The following RAB7A variants were observed in gnomAD, a reference collection of about 807,000 sequenced individuals.
RAB7A encodes ras-related protein Rab-7a.
In RAB7A, 2 loss-of-function variants were observed where a neutral mutation model predicts 24.5. The ratio of observed to expected loss-of-function variants is 0.08; its 90% confidence interval spans 0.03 to 0.26. The LOEUF is 0.26. RAB7A is among the 10% of genes least tolerant of loss of function. The pLI, the probability that RAB7A is intolerant of heterozygous loss-of-function variation, is 1.00. For missense variants in RAB7A, 118 were observed against 255.7 expected, an observed-to-expected ratio of 0.46 and a Z score of 3.67; for synonymous variants, 100 against 95.9, an observed-to-expected ratio of 1.04 and a Z score of -0.25.
chr3:128,800,111 A>G (rs1323029479), intron 3 of RAB7A, among the ~76,000 whole-genome samples: 1 of 152,262 alleles, frequency 6.6e-6, no homozygotes, highest in African/African-American at 2.4e-5. Flanking sequence ...AGTAAGCCGT[A>G]AGAGCTGAGC....
intron 2 of RAB7A, 36 bp downstream of exon 2, chr3:128,795,456 T>C: frequency 1.3e-6 from 2 of 1,581,526 alleles, no homozygotes; most frequent in Non-Finnish European, 1.7e-6. Flanking sequence ...ACAGATTGGC[T>C]TAGAGCTAAG....
intron 1 of RAB7A, among the ~76,000 whole-genome samples, chr3:128,774,642 T>C (rs1328438169): frequency 6.6e-6 from 1 of 152,162 alleles, no homozygotes; most frequent in Non-Finnish European, 1.5e-5. Flanking sequence ...GGCACGGTCT[T>C]GGCTCACTGC....
intron 1 of RAB7A, among the ~76,000 whole-genome samples, chr3:128,729,135 T>G (rs1482754546): frequency 6.6e-6 from 1 of 150,976 alleles, no homozygotes; most frequent in Non-Finnish European, 1.5e-5. Context: ...TTTTTTAAAA[T>G]TTTTTTTTAG....
intron 3 of RAB7A, among the ~76,000 whole-genome samples, chr3:128,805,172 G>A (rs1383993605): frequency 2.6e-5 from 4 of 152,210 alleles, no homozygotes; most frequent in Admixed American, 2.0e-4. Context: ...TCCACTGACA[G>A]AGATGCATAC....
chr3:128,730,142 C>T (rs2070419958), intron 1 of RAB7A, among the ~76,000 whole-genome samples: 1 of 152,234 alleles, frequency 6.6e-6, no homozygotes, highest in South Asian at 2.1e-4. Flanking sequence ...ATATGCTGAT[C>T]TTTTCAGTTA....
At chr3:128,786,650 A>G (rs1049308353) in intron 1 of RAB7A, among the ~76,000 whole-genome samples, 6 of 152,180 alleles carry the variant, frequency 3.9e-5, no homozygotes, top group Admixed American at 1.3e-4. Flanking sequence ...CTGTATCCCT[A>G]TGATGCTTCC....
intron 1 of RAB7A, among the ~76,000 whole-genome samples, chr3:128,792,815 A>G: frequency 7.5e-6 from 1 of 133,310 alleles, no homozygotes; most frequent in South Asian, 2.5e-4. Context: ...CACCGAGCTA[A>G]TTTTTATTTA....
At chr3:128,793,133 C>T (rs998983197) in intron 1 of RAB7A, among the ~76,000 whole-genome samples, 3 of 152,198 alleles carry the variant, frequency 2.0e-5, no homozygotes, top group African/African-American at 7.2e-5. Flanking sequence ...AAGCCATTCT[C>T]CAGCCTCAGC....
At chr3:128,729,132 A>T (rs536320049) in intron 1 of RAB7A, among the ~76,000 whole-genome samples, 8 of 152,152 alleles carry the variant, frequency 5.3e-5, no homozygotes, top group South Asian at 2.1e-4. Context: ...ATTTTTTTTA[A>T]AATTTTTTTT....
chr3:128,794,055 T>G (rs1360465598), intron 1 of RAB7A, among the ~76,000 whole-genome samples: 2 of 152,218 alleles, frequency 1.3e-5, no homozygotes, highest in African/African-American at 4.8e-5. Context: ...TCAGGTCTGA[T>G]ATTTCCTTTT....
intron 1 of RAB7A, among the ~76,000 whole-genome samples, chr3:128,761,004 C>T (rs1333821666): frequency 6.6e-6 from 1 of 152,150 alleles, no homozygotes; most frequent in Non-Finnish European, 1.5e-5. Context: ...TACAGATGCA[C>T]GAATTTGTTT....
intron 1 of RAB7A, among the ~76,000 whole-genome samples, chr3:128,745,186 T>C (rs1270086159): frequency 6.6e-6 from 1 of 151,998 alleles, no homozygotes. Context: ...AGTCACTTTT[T>C]CATTAAATTT....
At chr3:128,739,131 T>TTTCTG (rs772655219) in intron 1 of RAB7A, among the ~76,000 whole-genome samples, 6 of 152,202 alleles carry the variant, frequency 3.9e-5, no homozygotes, top group Admixed American at 6.5e-5. Context: ...TGCCCATTCG[T>TTTCTG]TTCTGAGAGG....
At chr3:128,729,562 T>G (rs570501382) in intron 1 of RAB7A, among the ~76,000 whole-genome samples, 60 of 138,564 alleles carry the variant, frequency 4.3e-4, no homozygotes, top group Non-Finnish European at 8.0e-4. Flanking sequence ...AGAGCGAGAC[T>G]TCTTCTCAAA....
chr3:128,810,646 A>C (rs1933904040), intron 5 of RAB7A, among the ~76,000 whole-genome samples: 1 of 151,158 alleles, frequency 6.6e-6, no homozygotes, highest in African/African-American at 2.4e-5. Flanking sequence ...AAGGACACGA[A>C]TTCTCAGATC....
At chr3:128,771,647 C>G (rs1275825740) in intron 1 of RAB7A, among the ~76,000 whole-genome samples, 1 of 152,182 alleles carries the variant, frequency 6.6e-6, no homozygotes, top group South Asian at 2.1e-4. Context: ...CTGAAGGAGG[C>G]CAGATAACTG....
At position 128,784,312 on chromosome 3, in the gene RAB7A, C is replaced by T. The variant is rs148200301; in HGVS notation, c.-8-11048C>T. ...CATGAGACATAAACACAGGTGACTT[C>T]CTTGGCGTTTTCCCTCATTTCCCAT... On this transcript the variant is annotated intron_variant, in intron 1 of 5. Coordinates refer to ENST00000265062, the MANE Select transcript of RAB7A (RefSeq NM_004637.6). Among the ~76,000 whole-genome samples, 473 of 152,302 alleles carry T rather than the reference C, an allele frequency of 3.1e-3. 1 individual carries two copies. Among genetic ancestry groups the T allele is most frequent in the Non-Finnish European group, 4.9e-3 (331 of 68,010 alleles).
rs1802891 is a variant in RAB7A, at chr3:128,807,654, C to T, written c.511C>T (p.Arg171Trp). The stretch of plus-strand genomic sequence containing the variant: ...GGAGCAGGCGTTCCAGACGATTGCA[C>T]GGAATGCACTTAAGCAGGTGGGTCT... ...NVEQAFQTIA[R>W]NALKQETEVE... The change falls in exon 5 of 6, where the codon CGG (arginine) becomes TGG (tryptophan). Residue 171 changes from arginine (R) to tryptophan (W), a missense_variant. Arg to Trp is a moderately radical substitution (Grantham distance 101). This residue lies in a region of RAB7A where 66 missense variants were observed against 82.2 expected (regional missense o/e 0.80). Transcript: ENST00000265062. The T allele has an allele frequency of 3.7e-6, 6 of 1,614,074 alleles. No individual in the cohort carries two copies. In the African/African-American group the frequency reaches 4.0e-5, roughly 11 times the overall value.
chr3:128,726,525 C>T (rs1472332257), intron 1 of RAB7A, among the ~76,000 whole-genome samples, 166 bp downstream of exon 1: 1 of 152,120 alleles, frequency 6.6e-6, no homozygotes, highest in Non-Finnish European at 1.5e-5. Context: ...CAGGCCAAGA[C>T]CCCACCCGGC....
Sources: allele counts gnomAD v4.1 joint callset (sites outside exome capture counted in the v4.1 genomes callset), GRCh38; gene constraint gnomAD v4.1.1; regional missense constraint gnomAD v4.1.1; transcripts MANE v1.5; gene names NCBI Gene and HGNC (gene_info 2026-07-23, HGNC 2026-07-21).